The following WDR70 variants were observed in gnomAD, a reference collection of about 807,000 sequenced individuals.
WDR70 encodes WD repeat-containing protein 70.
Under a neutral mutation model 88.6 loss-of-function variants are expected in WDR70, and 53 were observed. The ratio of observed to expected loss-of-function variants is 0.60; its 90% CI spans 0.48 to 0.75. The LOEUF is 0.75. WDR70 is among the 30% of genes least tolerant of loss of function. The pLI is 0.00. For missense variants in WDR70, 610 were observed against 823.2 expected, an observed-to-expected ratio of 0.74 and a Z score of 3.17; for synonymous variants, 280 against 270.0, an observed-to-expected ratio of 1.04 and a Z score of -0.36.
chr5:37,556,801 G>A (rs1742305834), intron 9 of WDR70, among the ~76,000 whole-genome samples: 1 of 152,164 alleles, frequency 6.6e-6, no homozygotes, highest in Non-Finnish European at 1.5e-5. Context: ...TAGGGATACA[G>A]CAAAACCCTT....
At chr5:37,530,641 G>A (rs185408586) in intron 9 of WDR70, among the ~76,000 whole-genome samples, 90 of 151,932 alleles carry the variant, frequency 5.9e-4, no homozygotes, top group Non-Finnish European at 1.1e-3. Flanking sequence ...TGTGGTGTCA[G>A]TAGTAATATC....
chr5:37,475,315 A>C (rs1479261062), intron 7 of WDR70, among the ~76,000 whole-genome samples: 3 of 151,326 alleles, frequency 2.0e-5, no homozygotes, highest in Admixed American at 6.6e-5. Context: ...GCTCACCACA[A>C]CCTCCACCTC....
intron 10 of WDR70, among the ~76,000 whole-genome samples, chr5:37,684,906 G>A (rs554739948): frequency 1.2e-4 from 18 of 152,230 alleles, no homozygotes; most frequent in Non-Finnish European, 2.4e-4. Context: ...CAGCAGCAGT[G>A]GAGGAAGCAG....
At chr5:37,529,606 C>G (rs1270480885) in intron 9 of WDR70, among the ~76,000 whole-genome samples, 1 of 151,682 alleles carries the variant, frequency 6.6e-6, no homozygotes, top group African/African-American at 2.4e-5. Flanking sequence ...TGGTTGAGTT[C>G]TTGATTTGAT....
intron 9 of WDR70, among the ~76,000 whole-genome samples, chr5:37,588,720 G>A (rs1037073065): frequency 9.9e-5 from 15 of 152,018 alleles, no homozygotes; most frequent in African/African-American, 3.1e-4. Flanking sequence ...GGGACTACAG[G>A]CATGCATTAC....
chr5:37,732,633 C>T (rs10214089), intron 17 of WDR70, among the ~76,000 whole-genome samples: 1 of 152,068 alleles, frequency 6.6e-6, no homozygotes, highest in Non-Finnish European at 1.5e-5. Context: ...AAGGAGCTTT[C>T]TTAAAGCCCT....
intron 8 of WDR70, among the ~76,000 whole-genome samples, chr5:37,487,973 C>A (rs1405031724): frequency 1.3e-5 from 2 of 151,650 alleles, no homozygotes; most frequent in African/African-American, 2.4e-5. Context: ...TTAAACATTT[C>A]TTGTAGGCCT....
chr5:37,712,232 C>T (rs6859972), intron 13 of WDR70, among the ~76,000 whole-genome samples: 10,883 of 152,096 alleles, frequency 0.072, 1,257 homozygotes, highest in African/African-American at 0.24. Context: ...ACCTTGTGAT[C>T]CACCCGCCTC....
At chr5:37,389,294 GTCGAGA>G (rs1748734018) in intron 3 of WDR70, among the ~76,000 whole-genome samples, 1 of 141,798 alleles carries the variant, frequency 7.1e-6, no homozygotes, top group African/African-American at 3.1e-5. Context: ...GGTTTCACCT[GTCGAGA>G]CCAGGCTGGT....
At chr5:37,642,803 A>G (rs1280245455) in intron 10 of WDR70, among the ~76,000 whole-genome samples, 2 of 152,176 alleles carry the variant, frequency 1.3e-5, no homozygotes, top group Non-Finnish European at 2.9e-5. Context: ...AGAAATGTCT[A>G]TTCAAGTATT....
chr5:37,474,721 C>A (rs116298035), intron 7 of WDR70, among the ~76,000 whole-genome samples: 2 of 152,176 alleles, frequency 1.3e-5, no homozygotes, highest in Non-Finnish European at 2.9e-5. Flanking sequence ...ATGCTCTCCC[C>A]CTGCCACCCA....
chr5:37,647,223 A>T (rs1745265316), intron 10 of WDR70, among the ~76,000 whole-genome samples: 1 of 152,224 alleles, frequency 6.6e-6, no homozygotes, highest in Admixed American at 6.5e-5. Context: ...ATTTTAAATT[A>T]TCTCAATCTG....
At chr5:37,727,579 T>G (rs1031268706) in intron 17 of WDR70, among the ~76,000 whole-genome samples, 22 of 152,160 alleles carry the variant, frequency 1.4e-4, no homozygotes, top group African/African-American at 5.3e-4. Context: ...GTTTTTATTT[T>G]TATTTATTTA....
At position 37,426,829 on chromosome 5, in the gene WDR70, C is replaced by T. The variant is rs62360225; in HGVS notation, c.493-11093C>T. On this transcript the variant is annotated intron_variant, in intron 5 of 17. Transcript: ENST00000265107. ...TTTTTTGAGATGGGGTCTCTCTTGC[C>T]AGACTGGAATACAGTCACGGCTCAC... Among the ~76,000 whole-genome samples, 1,300 of 149,908 alleles carry T rather than the reference C, an allele frequency of 8.7e-3. 7 individuals are homozygous for T. Among genetic ancestry groups the T allele is most frequent in the Admixed American group, 0.014 (210 of 14,950 alleles).
chr5:37,509,070 C>A (rs1349173033), intron 8 of WDR70, among the ~76,000 whole-genome samples: 1 of 152,042 alleles, frequency 6.6e-6, no homozygotes, highest in African/African-American at 2.4e-5. Context: ...GATATATCTC[C>A]TAATTTTCCC....
rs117678394 is a variant in WDR70 at position 37,491,499 on chromosome 5, A to G, written c.840+11512A>G. ...TCTCTGCCATTTATTTTTAAATTACATGACTAAGGTGGAGAAAGCAGGTTC... is the reference window on the plus strand; with the variant it reads ...TCTCTGCCATTTATTTTTAAATTACGTGACTAAGGTGGAGAAAGCAGGTTC... On this transcript the variant is annotated intron_variant, in intron 8 of 17. Transcript: ENST00000265107. Among the ~76,000 whole-genome samples the G allele has an allele frequency of 1.9e-3, 284 of 152,330 alleles. 4 individuals are homozygous for G. The East Asian group carries it at 0.024, about 13-fold the overall frequency.
chr5:37,568,714 G>A (rs1309624981), intron 9 of WDR70, among the ~76,000 whole-genome samples: 1 of 152,102 alleles, frequency 6.6e-6, no homozygotes, highest in Admixed American at 6.6e-5. Context: ...GGTCAGGTAG[G>A]TACTAAGCAG....
intron 1 of WDR70, 28 bp downstream of exon 1, chr5:37,379,420 G>C: frequency 6.2e-7 from 1 of 1,613,674 alleles, no homozygotes; most frequent in Non-Finnish European, 8.5e-7. Flanking sequence ...AGTCCGGGCG[G>C]GGTGGGCCGT....
chr5:37,668,236 T>C (rs553416423), intron 10 of WDR70, among the ~76,000 whole-genome samples: 3 of 152,306 alleles, frequency 2.0e-5, no homozygotes, highest in Admixed American at 2.0e-4. Context: ...GTTGTATCAT[T>C]TTTTTCCCAG....
Sources: allele counts gnomAD v4.1 joint callset (sites outside exome capture counted in the v4.1 genomes callset), GRCh38; gene constraint gnomAD v4.1.1; transcripts MANE v1.5; gene names NCBI Gene and HGNC (gene_info 2026-07-23, HGNC 2026-07-21).